RBFOX1: variants seen among roughly 807,000 people sequenced by gnomAD.
RBFOX1 encodes the protein RNA binding fox-1 homolog 1, also known as RNA binding protein fox-1 homolog 1.
A neutral mutation model predicts 57.7 loss-of-function variants in RBFOX1; 8 were observed. The ratio of observed to expected loss-of-function variants is 0.14; its 90% CI spans 0.08 to 0.25. The LOEUF (loss-of-function observed/expected upper bound fraction) is 0.25. Ranked by LOEUF, RBFOX1 falls within the 10% of genes least tolerant of loss-of-function variation. RBFOX1 has a pLI of 1.00. For missense variants in RBFOX1, 611 were observed against 548.5 expected (o/e 1.11, Z -1.14); for synonymous variants, 326 against 222.4 (o/e 1.47, Z -4.15).
At chr16:5,294,011 C>T (rs1596425048) in intron 1 of RBFOX1, among the ~76,000 whole-genome samples, 1 of 152,118 alleles carries the variant, frequency 6.6e-6, no homozygotes. Flanking sequence ...GGTAGAACAC[C>T]TGAGGCCAGG....
chr16:6,782,126 C>T (rs1250160551), intron 3 of RBFOX1, among the ~76,000 whole-genome samples: 2 of 152,144 alleles, frequency 1.3e-5, no homozygotes, highest in African/African-American at 4.8e-5. Flanking sequence ...CCTGCCTCAG[C>T]CTCCCGAGTA....
At chr16:6,478,429 A>ATATATTTT (rs1159954387) in intron 2 of RBFOX1, among the ~76,000 whole-genome samples, 38 of 24,552 alleles carry the variant, frequency 1.5e-3, no homozygotes, top group Non-Finnish European at 2.7e-3. Flanking sequence ...ATATATATAT[A>ATATATTTT]TTTTTTTTTT....
At chr16:7,561,832 C>T (rs538060550) in intron 5 of RBFOX1, among the ~76,000 whole-genome samples, 13 of 152,250 alleles carry the variant, frequency 8.5e-5, no homozygotes, top group African/African-American at 1.2e-4. Context: ...ATTAGCATAA[C>T]GTATAGAATT....
rs377393411 is a variant in RBFOX1, at chr16:5,580,706, G to A, written c.259-18196G>A. 2.6e-5 allele frequency among the ~76,000 whole-genome samples: 4 copies of A among 152,260 alleles called. No individual in the cohort carries two copies. The East Asian group carries it at 7.8e-4, about 30-fold the overall frequency. On this transcript the variant is annotated intron_variant, in intron 2 of 2. Transcript: ENST00000585867. ...CTTTCACGGCATCTCACACTGCCCTGCGTCTGCACATAGAGGCCGAGAGGT... is the reference window on the plus strand; with the variant it reads ...CTTTCACGGCATCTCACACTGCCCTACGTCTGCACATAGAGGCCGAGAGGT...
chr16:5,621,733 C>T (rs1000859098), intron 3 of RBFOX1, among the ~76,000 whole-genome samples: 1 of 152,118 alleles, frequency 6.6e-6, no homozygotes, highest in Admixed American at 6.5e-5. Context: ...GATGTTGCCC[C>T]ACCCTTATTA....
Position 6,861,870 on chromosome 16 carries a change from C to G in RBFOX1, c.-15-190187C>G, listed in dbSNP as rs76517803. 8.5e-5 allele frequency among the ~76,000 whole-genome samples: 10 copies of G among 117,222 alleles called. No homozygotes were observed. In the East Asian group the frequency reaches 2.8e-3, roughly 33 times the overall value. 76.9% of individuals were successfully genotyped at this position (117,222 alleles called of 152,430 possible). A position where few individuals can be genotyped will look rare whatever the true frequency, so the allele number is the denominator to read the frequency against. On this transcript the variant is annotated intron_variant, in intron 3 of 15. Coordinates refer to ENST00000550418, the MANE Select transcript of RBFOX1 (RefSeq NM_018723.4). ...GGTTTTTTTTTTGGTCTAGCTTGCA[C>G]TTTCTCCCTGCCCAGAAATGTCGTT...
At chr16:6,712,506 G>C (rs1460153350) in intron 3 of RBFOX1, among the ~76,000 whole-genome samples, 1 of 152,098 alleles carries the variant, frequency 6.6e-6, no homozygotes, top group African/African-American at 2.4e-5. Flanking sequence ...CATCTCAGTG[G>C]ATGGTATTAT....
chr16:5,835,172 C>T (rs2056419472), intron 3 of RBFOX1, among the ~76,000 whole-genome samples: 1 of 152,162 alleles, frequency 6.6e-6, no homozygotes, highest in South Asian at 2.1e-4. Context: ...GCAACTGGCC[C>T]AGCCTTAAGA....
chr16:5,986,919 T>C (rs1567224037), intron 4 of RBFOX1, among the ~76,000 whole-genome samples: 1 of 152,184 alleles, frequency 6.6e-6, no homozygotes, highest in Non-Finnish European at 1.5e-5. Context: ...CGTGTGGTAA[T>C]TGGATGTTTA....
chr16:6,510,318 A>G (rs2153775225), intron 2 of RBFOX1, among the ~76,000 whole-genome samples: 1 of 152,090 alleles, frequency 6.6e-6, no homozygotes, highest in African/African-American at 2.4e-5. Flanking sequence ...AGTGTTTTTG[A>G]GATTTGAACT....
intron 1 of RBFOX1, among the ~76,000 whole-genome samples, chr16:5,376,869 C>A (rs527783215): frequency 6.7e-6 from 1 of 150,072 alleles, no homozygotes; most frequent in African/African-American, 2.5e-5. Context: ...GCAGGTTCTG[C>A]GTCATCTCCA....
chr16:5,306,391 C>T (rs1017026746), intron 1 of RBFOX1, among the ~76,000 whole-genome samples: 5 of 151,268 alleles, frequency 3.3e-5, no homozygotes, highest in Non-Finnish European at 5.9e-5. Context: ...ATGATCTTGA[C>T]CCACTGCAAC....
At chr16:6,842,261 C>T (rs939461025) in intron 3 of RBFOX1, among the ~76,000 whole-genome samples, 2 of 151,976 alleles carry the variant, frequency 1.3e-5, no homozygotes, top group African/African-American at 2.4e-5. Context: ...CATTCTGTGG[C>T]ATATATTTTT....
At chr16:6,391,773 C>G (rs1488701849) in intron 2 of RBFOX1, among the ~76,000 whole-genome samples, 1 of 152,090 alleles carries the variant, frequency 6.6e-6, no homozygotes, top group Non-Finnish European at 1.5e-5. Flanking sequence ...AGATTAAGTA[C>G]AATTCTTAGA....
chr16:7,338,209 C>T (rs1225517154), intron 4 of RBFOX1, among the ~76,000 whole-genome samples: 2 of 151,874 alleles, frequency 1.3e-5, no homozygotes, highest in African/African-American at 4.8e-5. Context: ...TCCCCACCCC[C>T]ACCTAAGCAT....
At chr16:5,814,121 G>A (rs922149502) in intron 3 of RBFOX1, among the ~76,000 whole-genome samples, 2 of 152,052 alleles carry the variant, frequency 1.3e-5, no homozygotes, top group Non-Finnish European at 2.9e-5. Context: ...TTACAAGATG[G>A]TACCTTCCCC....
chr16:7,021,631 A>G (rs1000958772), intron 3 of RBFOX1, among the ~76,000 whole-genome samples: 10 of 147,508 alleles, frequency 6.8e-5, no homozygotes, highest in Non-Finnish European at 1.2e-4. Flanking sequence ...TTTATAAATT[A>G]TATAAAAATT....
chr16:6,132,881 C>G (rs771409336), intron 1 of RBFOX1, among the ~76,000 whole-genome samples: 1 of 151,244 alleles, frequency 6.6e-6, no homozygotes, highest in African/African-American at 2.4e-5. Flanking sequence ...CAGCTACTCA[C>G]TTGAACCCAG....
At chr16:7,111,296 A>G (rs2064716236) in intron 4 of RBFOX1, among the ~76,000 whole-genome samples, 2 of 152,218 alleles carry the variant, frequency 1.3e-5, no homozygotes, top group Non-Finnish European at 2.9e-5. Flanking sequence ...CTTCCTAGCT[A>G]ATCAATGAAG....
Sources: gnomAD v4.1 joint callset for allele counts (sites outside exome capture counted in the v4.1 genomes callset) on GRCh38, gnomAD v4.1.1 for gene constraint, MANE v1.5 for transcripts, NCBI Gene and HGNC (gene_info 2026-07-23, HGNC 2026-07-21) for gene names.